The following TRAPPC8 variants were observed in gnomAD, a reference collection of about 807,000 sequenced individuals.
The protein encoded by TRAPPC8 is general sporulation gene 1 homolog.
A neutral mutation model predicts 174.3 loss-of-function variants in TRAPPC8; 54 were observed. That is an observed-to-expected ratio of 0.31 (90% CI 0.25 to 0.39). TRAPPC8 has a LOEUF of 0.39. Ranked by LOEUF, TRAPPC8 falls within the 10% of genes least tolerant of loss-of-function variation. TRAPPC8 has a pLI of 1.00. For synonymous variants in TRAPPC8, 630 were observed against 579.9 expected (o/e 1.09, Z -1.24); for missense variants, 1,531 against 1,699.1 (o/e 0.90, Z 1.74).
chr18:31,840,541 C>A (rs1005732126), intron 26 of TRAPPC8, among the ~76,000 whole-genome samples: 2 of 152,150 alleles, frequency 1.3e-5, no homozygotes, highest in East Asian at 1.9e-4. Context: ...TTCTGATAGC[C>A]GAGTTTGATT....
In TRAPPC8 at chr18:31,941,986, G is replaced by C. The variant is rs545156758; in HGVS notation, c.157+622C>G. 3.2e-4 allele frequency among the ~76,000 whole-genome samples: 48 copies of C among 152,220 alleles called. No homozygotes were observed. In the Middle Eastern group the frequency reaches 0.01, roughly 32 times the overall value. On this transcript the variant is annotated intron_variant, in intron 1 of 28. Transcript: ENST00000283351. Reference sequence around the variant, plus strand: ...ATCCAGGTTAAATTAACCACAACTTGGGCTTGCTTCCTCTTCCTTAGGGCA... The same window carrying C: ...ATCCAGGTTAAATTAACCACAACTTCGGCTTGCTTCCTCTTCCTTAGGGCA...
At chr18:31,915,694 AGACCATGGT>A in intron 4 of TRAPPC8, among the ~76,000 whole-genome samples, 1 of 151,676 alleles carries the variant, frequency 6.6e-6, no homozygotes. Flanking sequence ...CAGGAGATCG[AGACCATGGT>A]GAAACCCCGT....
At chr18:31,877,515 G>C (rs527986177) in intron 12 of TRAPPC8, among the ~76,000 whole-genome samples, 49 of 151,324 alleles carry the variant, frequency 3.2e-4, no homozygotes, top group African/African-American at 1.2e-3. Flanking sequence ...GGGAGGCTGA[G>C]GCAAGAGAAT....
chr18:31,902,503 C>T (rs1291579954), intron 9 of TRAPPC8, among the ~76,000 whole-genome samples: 1 of 152,188 alleles, frequency 6.6e-6, no homozygotes, highest in Non-Finnish European at 1.5e-5. Flanking sequence ...GTCAGTTTAT[C>T]TAAGCCATCT....
Position 31,867,470 on chromosome 18 carries a change from T to C in TRAPPC8, c.2395A>G (p.Ser799Gly), listed in dbSNP as rs1259566638. The C allele has an allele frequency of 2.3e-5, 37 of 1,598,688 alleles. No homozygotes were observed. The highest frequency in any genetic ancestry group is 3.0e-5 in the Non-Finnish European group (35 of 1,169,348). ...DNEEVKQLVT[S>G]EPEMIGAEVI... Reference sequence around the variant, plus strand: ...TCAGCTCCAATCATTTCAGGTTCACTTGTAACCTAAAAAATAAATTTCATA... The same window carrying C: ...TCAGCTCCAATCATTTCAGGTTCACCTGTAACCTAAAAAATAAATTTCATA... Residue 799 changes from serine (S) to glycine (G), a missense_variant, in exon 17 of 29, where the codon AGT becomes GGT. Ser to Gly is a moderately conservative substitution (Grantham distance 56, BLOSUM62 0). Coordinates refer to ENST00000283351, the MANE Select transcript of TRAPPC8 (RefSeq NM_014939.5).
intron 9 of TRAPPC8, among the ~76,000 whole-genome samples, chr18:31,902,774 G>A (rs1187450372): frequency 6.6e-6 from 1 of 152,054 alleles, no homozygotes; most frequent in East Asian, 1.9e-4. Context: ...CTACTGGCCA[G>A]GCGCGGTGGC....
At chr18:31,847,154 T>C (rs1037919274) in intron 25 of TRAPPC8, among the ~76,000 whole-genome samples, 2 of 152,184 alleles carry the variant, frequency 1.3e-5, no homozygotes, top group African/African-American at 4.8e-5. Flanking sequence ...ACTACCAATA[T>C]ACAGCTAAAA....
chr18:31,917,759 A>T (rs1209828812), intron 2 of TRAPPC8, 92 bp from the exon 3 acceptor site: 7 of 606,414 alleles, frequency 1.2e-5, no homozygotes, highest in African/African-American at 7.9e-5. Context: ...TAAAAGGTAT[A>T]AAAAAAAAAT....
intron 2 of TRAPPC8, among the ~76,000 whole-genome samples, chr18:31,923,408 A>G (rs975090083): frequency 6.6e-6 from 1 of 152,218 alleles, no homozygotes; most frequent in Non-Finnish European, 1.5e-5. Flanking sequence ...CAATTACTGT[A>G]CCAAGGAATA....
At chr18:31,870,295 G>C in intron 16 of TRAPPC8, 77 bp downstream of exon 16, 1 of 1,333,504 alleles carries the variant, frequency 7.5e-7, no homozygotes, top group Non-Finnish European at 1.0e-6. Flanking sequence ...TCACTGAACA[G>C]AGTACATTGA....
chr18:31,934,041 AGCCAGGCAT>A (rs913949610), intron 1 of TRAPPC8, among the ~76,000 whole-genome samples: 1 of 152,072 alleles, frequency 6.6e-6, no homozygotes, highest in African/African-American at 2.4e-5. Flanking sequence ...TACAAAAATT[AGCCAGGCAT>A]GGTGGCAAGC....
rs372771087 is a variant in TRAPPC8 at position 31,871,008 on chromosome 18, T to C, written c.2175A>G (p.Val725=). The change falls in exon 15 of 29, where the codon GTA becomes GTG. Residue 725 remains valine (V), a synonymous_variant. Coordinates refer to ENST00000283351, the MANE Select transcript of TRAPPC8 (RefSeq NM_014939.5). The part of the protein sequence containing the change: ...EQVVSVVNKG[V]IPSNFHPTQY... Reference sequence around the variant, plus strand: ...GTGTGGGATGAAAATTGGATGGAATTACTCCTTTGTTAACCACAGAAACAA... The same window carrying C: ...GTGTGGGATGAAAATTGGATGGAATCACTCCTTTGTTAACCACAGAAACAA... 6 of 1,611,640 alleles carry C rather than the reference T, an allele frequency of 3.7e-6. No individual in the cohort carries two copies. The highest frequency in any genetic ancestry group is 5.1e-6 in the Non-Finnish European group (6 of 1,178,574).
chr18:31,852,764 C>T (rs2033779595), intron 22 of TRAPPC8, 101 bp from the exon 23 acceptor site: 20 of 911,832 alleles, frequency 2.2e-5, no homozygotes, highest in Admixed American at 4.4e-5. Flanking sequence ...GAAAATAATT[C>T]GTAATTATAA....
chr18:31,909,724 T>C lies in TRAPPC8; in HGVS notation c.808A>G (p.Asn270Asp). ...AGCAAGTTATTATCAGAATTCTTAT[T>C]TGAAGTTATAGTACAAGGGCCATCT... Reference protein sequence around the residue: ...YEDGPCTITSNKNSDNNLLSL... With the variant: ...YEDGPCTITSDKNSDNNLLSL... Residue 270 changes from asparagine to aspartate, a missense_variant, in exon 6 of 29, where the codon AAT (asparagine) becomes GAT (aspartate). Coordinates refer to ENST00000283351, the MANE Select transcript of TRAPPC8 (RefSeq NM_014939.5). The C allele has an allele frequency of 6.2e-7, 1 of 1,602,400 alleles. No individual in the cohort carries two copies. Among genetic ancestry groups the C allele is most frequent in the South Asian group, 1.1e-5 (1 of 88,468 alleles).
intron 26 of TRAPPC8, among the ~76,000 whole-genome samples, chr18:31,845,662 A>G (rs933579481): frequency 1.3e-5 from 2 of 152,180 alleles, no homozygotes; most frequent in African/African-American, 4.8e-5. Flanking sequence ...AACCTGAATG[A>G]AAGTTATAAG....
At chr18:31,879,475 G>T (rs909017264) in intron 12 of TRAPPC8, among the ~76,000 whole-genome samples, 3 of 152,118 alleles carry the variant, frequency 2.0e-5, no homozygotes, top group Non-Finnish European at 4.4e-5. Flanking sequence ...TACAGCAAAA[G>T]CAGTGTTAAG....
At chr18:31,855,459 G>T (rs1226462430) in intron 21 of TRAPPC8, among the ~76,000 whole-genome samples, 1 of 152,056 alleles carries the variant, frequency 6.6e-6, no homozygotes, top group African/African-American at 2.4e-5. Context: ...AATATCAGAA[G>T]ATCTTTTTAT....
At position 31,836,121 on chromosome 18, in the gene TRAPPC8, G is replaced by T. The variant is rs185175406; in HGVS notation, c.3983+3191C>A. Among the ~76,000 whole-genome samples, 10 of 152,284 alleles carry T rather than the reference G, an allele frequency of 6.6e-5. No homozygotes were observed. In the East Asian group the frequency reaches 1.7e-3, roughly 26 times the overall value. On this transcript the variant is annotated intron_variant, in intron 27 of 28. Transcript: ENST00000283351. ...TGTGGCAACAATGACTAATAGAGAT[G>T]GACATGGGTATGATCTGCAGACATT...
chr18:31,901,697 CAA>C (rs1225456636), intron 9 of TRAPPC8, among the ~76,000 whole-genome samples: 1 of 152,216 alleles, frequency 6.6e-6, no homozygotes, highest in Non-Finnish European at 1.5e-5. Context: ...ACATGGGGAG[CAA>C]AGACTGCCTC....
Sources: gnomAD v4.1 joint callset for allele counts (sites outside exome capture counted in the v4.1 genomes callset) on GRCh38, gnomAD v4.1.1 for gene constraint, MANE v1.5 for transcripts, NCBI Gene and HGNC (gene_info 2026-07-23, HGNC 2026-07-21) for gene names.